GREB1: variants seen among roughly 807,000 people sequenced by gnomAD.
The protein encoded by GREB1 is protein GREB1.
In GREB1, 106 loss-of-function variants were observed where a neutral mutation model predicts 200.7. The ratio of observed to expected loss-of-function variants is 0.53; its 90% CI spans 0.45 to 0.62. GREB1 has a LOEUF of 0.62. Among genes scored for constraint, GREB1 ranks in the 20% least tolerant of loss-of-function variants. The probability of loss-of-function intolerance (pLI) is 0.00; values close to 1 mark genes in which losing one functional copy is unlikely to be tolerated. For synonymous variants in GREB1, 1,132 were observed against 1,092.4 expected (o/e 1.04, Z -0.72); for missense variants, 2,243 against 2,556.8 (o/e 0.88, Z 2.65).
chr2:11,496,291 T>C (rs1672884654), intron 1 of GREB1, among the ~76,000 whole-genome samples: 1 of 152,166 alleles, frequency 6.6e-6, no homozygotes, highest in Admixed American at 6.5e-5. Context: ...CTTTCAATGA[T>C]TCGATCACCA....
chr2:11,612,834 C>T (rs746644173), intron 19 of GREB1, among the ~76,000 whole-genome samples: 18 of 152,192 alleles, frequency 1.2e-4, no homozygotes, highest in Non-Finnish European at 2.1e-4. Flanking sequence ...TGTTTGGGCT[C>T]GTGGTGACGG....
chr2:11,635,472 G>A (rs1374441380), intron 30 of GREB1, 67 bp downstream of exon 30: 6 of 1,527,702 alleles, frequency 3.9e-6, no homozygotes, highest in South Asian at 2.6e-5. Context: ...CACACACTGA[G>A]GGTAGGAGCC....
At chr2:11,615,841 G>C (rs1327681240) in intron 20 of GREB1, among the ~76,000 whole-genome samples, 1 of 152,220 alleles carries the variant, frequency 6.6e-6, no homozygotes, top group African/African-American at 2.4e-5. Flanking sequence ...TGAGAAAGAC[G>C]TAGACAGTCA....
At chr2:11,570,197 C>T (rs1678121547) in intron 4 of GREB1, among the ~76,000 whole-genome samples, 1 of 151,898 alleles carries the variant, frequency 6.6e-6, no homozygotes, top group African/African-American at 2.4e-5. Flanking sequence ...TCACCTGAGG[C>T]CAGGAGTTTG....
At chr2:11,490,323 T>C (rs778643629) in intron 1 of GREB1, among the ~76,000 whole-genome samples, 19 of 152,250 alleles carry the variant, frequency 1.2e-4, no homozygotes, top group Non-Finnish European at 2.4e-4. Context: ...TGGACTTTTG[T>C]GTCGAGCTTC....
At chr2:11,522,775 A>G (rs1165700663) in intron 1 of GREB1, among the ~76,000 whole-genome samples, 1 of 152,216 alleles carries the variant, frequency 6.6e-6, no homozygotes, top group African/African-American at 2.4e-5. Flanking sequence ...AGGGATAGCA[A>G]TGTCATGGGA....
intron 24 of GREB1, among the ~76,000 whole-genome samples, chr2:11,625,705 G>GATCCCCAACAC (rs1220191432): frequency 6.6e-6 from 1 of 152,180 alleles, no homozygotes; most frequent in Non-Finnish European, 1.5e-5. Flanking sequence ...AACATCCATG[G>GATCCCCAACAC]TGTGCTGGCG....
chr2:11,619,595 A>G (rs1420317601), intron 22 of GREB1, among the ~76,000 whole-genome samples: 1 of 152,250 alleles, frequency 6.6e-6, no homozygotes, highest in Non-Finnish European at 1.5e-5. Flanking sequence ...ATTGGATATT[A>G]TCAGTTTAAA....
chr2:11,510,625 G>A (rs762233787), intron 1 of GREB1, among the ~76,000 whole-genome samples: 4 of 151,744 alleles, frequency 2.6e-5, no homozygotes, highest in East Asian at 3.9e-4. Flanking sequence ...TCATTTCCTC[G>A]CATCCTCCAA....
chr2:11,606,758 C>CATTATTATT (rs3035992), intron 17 of GREB1, among the ~76,000 whole-genome samples: 4,208 of 143,296 alleles, frequency 0.029, 126 homozygotes, highest in African/African-American at 0.068. Context: ...ATTTTAGTTT[C>CATTATTATT]ATTATTATTA....
rs764110006 is a variant in GREB1 at position 11,625,293 on chromosome 2, T to G, written c.4287T>G (p.Tyr1429Ter). ...YEDASLICSH[Y>*]QGIKSEDRGM... ...ATGCCAGCCTGATTTGTTCGCACTA[T>G]CAGGGTATAAAGAGTGAAGGTCAGA... Residue 1429 changes from tyrosine to a stop codon, truncating the protein, a stop_gained, in exon 24 of 33, where the codon TAT becomes TAG. Coordinates refer to ENST00000381486, the MANE Select transcript of GREB1 (RefSeq NM_014668.4). LOFTEE classifies it high-confidence loss of function. The G allele has an allele frequency of 1.9e-6, 3 of 1,614,188 alleles. No homozygotes were observed. Among genetic ancestry groups the G allele is most frequent in the Non-Finnish European group, 2.5e-6 (3 of 1,180,026 alleles).
intron 24 of GREB1, 36 bp downstream of exon 24, chr2:11,625,348 TG>T: frequency 2.5e-6 from 4 of 1,600,884 alleles, no homozygotes; most frequent in South Asian, 2.2e-5. Flanking sequence ...CCTTCCAGAG[TG>T]CATGGGCACA....
At chr2:11,498,712 C>A (rs527382818) in intron 1 of GREB1, among the ~76,000 whole-genome samples, 4 of 152,156 alleles carry the variant, frequency 2.6e-5, no homozygotes, top group Non-Finnish European at 5.9e-5. Flanking sequence ...TGACACTTGG[C>A]GTCCTGGGCT....
chr2:11,612,067 G>A (rs959673587), intron 18 of GREB1, among the ~76,000 whole-genome samples: 1 of 151,984 alleles, frequency 6.6e-6, no homozygotes, highest in Non-Finnish European at 1.5e-5. Context: ...GGTGGCGTGC[G>A]CCTGTAGTCC....
chr2:11,624,556 A>G (rs2148389830), intron 23 of GREB1, among the ~76,000 whole-genome samples: 1 of 151,276 alleles, frequency 6.6e-6, no homozygotes, highest in South Asian at 2.1e-4. Context: ...TGTTGGCCAG[A>G]CTGGTCTCGA....
Position 11,618,444 on chromosome 2 carries a change from G to A in GREB1, c.3569G>A (p.Ser1190Asn). The change falls in exon 22 of 33, where the codon AGC becomes AAC. Residue 1190 changes from serine to asparagine, a missense_variant. Physicochemically the swap from Ser to Asn is conservative, Grantham distance 46. Around this residue, in one of 3 missense-constraint regions of GREB1, gnomAD observed 587 missense variants for 553.1 expected, o/e 1.06. Coordinates refer to ENST00000381486, the MANE Select transcript of GREB1 (RefSeq NM_014668.4). ...RASQGPPSAI[S>N]RHSPGPTPQP... Reference sequence around the variant, plus strand: ...AGTCAGGGGCCACCCTCGGCCATCAGCAGGCACAGTCCCGGGCCGACGCCC... The same window carrying A: ...AGTCAGGGGCCACCCTCGGCCATCAACAGGCACAGTCCCGGGCCGACGCCC... 1 of 1,606,248 alleles carries A rather than the reference G, an allele frequency of 6.2e-7. No individual in the cohort carries two copies. The highest frequency in any genetic ancestry group is 8.5e-7 in the Non-Finnish European group (1 of 1,177,062).
intron 1 of GREB1, among the ~76,000 whole-genome samples, chr2:11,527,463 T>A (rs538798610): frequency 1.4e-4 from 21 of 152,324 alleles, no homozygotes; most frequent in Non-Finnish European, 2.1e-4. Flanking sequence ...GTAATAACAT[T>A]TCAGTGCAAC....
Position 11,629,569 on chromosome 2 carries a change from T to C in GREB1, c.4450-379T>C, listed in dbSNP as rs891551713. On this transcript the variant is annotated intron_variant, in intron 25 of 32. Coordinates refer to ENST00000381486, the MANE Select transcript of GREB1 (RefSeq NM_014668.4). This position sits in a 1 kb window ranked among gnomAD's most constrained non-coding sequence, Gnocchi z 5.2. ...AATATGTGATTGCATGTAACTGTGATGGAGAAATACATTTATTAGAATTAA... is the reference window on the plus strand; with the variant it reads ...AATATGTGATTGCATGTAACTGTGACGGAGAAATACATTTATTAGAATTAA... Among the ~76,000 whole-genome samples, 1 of 152,210 alleles carries C rather than the reference T, an allele frequency of 6.6e-6. No individual in the cohort carries two copies. The highest frequency in any genetic ancestry group is 2.4e-5 in the African/African-American group (1 of 41,442).
chr2:11,513,503 C>T (rs1262994643), intron 1 of GREB1, among the ~76,000 whole-genome samples: 1 of 152,146 alleles, frequency 6.6e-6, no homozygotes, highest in Non-Finnish European at 1.5e-5. Flanking sequence ...CTTAGTCATC[C>T]TTCAAGGCCT....
Sources: gnomAD v4.1 joint callset for allele counts (sites outside exome capture counted in the v4.1 genomes callset) on GRCh38, gnomAD v4.1.1 for gene constraint, gnomAD v4.1.1 regional missense constraint, Gnocchi (gnomAD v3.1) non-coding constraint, MANE v1.5 for transcripts, NCBI Gene and HGNC (gene_info 2026-07-23, HGNC 2026-07-21) for gene names.